The following INPP4B variants were observed in gnomAD, a reference collection of about 807,000 sequenced individuals.
The protein encoded by INPP4B is inositol polyphosphate-4-phosphatase type II B, also known as inositol polyphosphate 4-phosphatase type II.
Under a neutral mutation model 122.5 loss-of-function variants are expected in INPP4B, and 55 were observed. The observed-to-expected ratio is 0.45, with a 90% CI of 0.36 to 0.56. The LOEUF (loss-of-function observed/expected upper bound fraction) is 0.56, where lower values mean the gene tolerates loss of function less well. Among genes scored for constraint, INPP4B ranks in the 20% least tolerant of loss-of-function variants. The pLI is 0.00. For synonymous variants in INPP4B, 403 were observed against 388.7 expected, an observed-to-expected ratio of 1.04 and a Z score of -0.43; for missense variants, 1,000 against 1,097.7, an observed-to-expected ratio of 0.91 and a Z score of 1.26.
chr4:142,524,799 C>A (rs1288930326), intron 2 of INPP4B, among the ~76,000 whole-genome samples: 1 of 151,576 alleles, frequency 6.6e-6, no homozygotes, highest in Non-Finnish European at 1.5e-5. Flanking sequence ...TGGGCAAAAA[C>A]TGGAAGCATT....
At chr4:142,206,925 G>A (rs563477735) in intron 14 of INPP4B, among the ~76,000 whole-genome samples, 2 of 152,068 alleles carry the variant, frequency 1.3e-5, no homozygotes, top group Non-Finnish European at 2.9e-5. Flanking sequence ...GCATAACTGC[G>A]ACTGTGTACC....
At chr4:142,766,604 C>A in intron 1 of INPP4B, 1 of 152,300 alleles carries the variant, frequency 6.6e-6, no homozygotes, top group Non-Finnish European at 1.5e-5. Flanking sequence ...CCCCTGACCT[C>A]AAGTGATTCT....
Position 142,045,386 on chromosome 4 carries a change from G to A in INPP4B, c.2643-16472C>T, listed in dbSNP as rs542959904. Among the ~76,000 whole-genome samples the A allele has an allele frequency of 2.0e-5, 3 of 152,072 alleles. No homozygotes were observed. The South Asian group carries it at 6.2e-4, about 32-fold the overall frequency. On this transcript the variant is annotated intron_variant, in intron 25 of 25. Coordinates refer to ENST00000262992, the MANE Select transcript of INPP4B (RefSeq NM_001101669.3). ...TAATAACTAAAATTTTTAATTACCG[G>A]GAACTAGATTTTGTATCCAACATAC...
At chr4:142,812,673 G>A (rs1172516230) in intron 1 of INPP4B, among the ~76,000 whole-genome samples, 1 of 151,930 alleles carries the variant, frequency 6.6e-6, no homozygotes, top group Non-Finnish European at 1.5e-5. Flanking sequence ...CATTATTGAT[G>A]TCTTATTTAT....
chr4:142,092,480 C>T (rs753272650), intron 23 of INPP4B, among the ~76,000 whole-genome samples: 9 of 151,962 alleles, frequency 5.9e-5, no homozygotes, highest in Non-Finnish European at 1.2e-4. Flanking sequence ...TATAGAAATG[C>T]GGGTTTCGCC....
chr4:142,455,825 G>A (rs972167810), intron 3 of INPP4B, among the ~76,000 whole-genome samples: 16 of 152,002 alleles, frequency 1.1e-4, no homozygotes, highest in African/African-American at 3.6e-4. Flanking sequence ...GTTATTTCCT[G>A]TCTTTTGGAT....
chr4:142,457,671 C>A (rs569933688), intron 3 of INPP4B, among the ~76,000 whole-genome samples: 1 of 152,308 alleles, frequency 6.6e-6, no homozygotes, highest in African/African-American at 2.4e-5. Flanking sequence ...TGTTAACCAA[C>A]CTTCCAATGT....
intron 23 of INPP4B, among the ~76,000 whole-genome samples, chr4:142,088,048 T>C (rs1777659736): frequency 6.6e-6 from 1 of 152,202 alleles, no homozygotes; most frequent in Non-Finnish European, 1.5e-5. Context: ...ATCTTTACTA[T>C]ATAACTACAG....
At chr4:142,352,699 T>G (rs1401374946) in intron 7 of INPP4B, among the ~76,000 whole-genome samples, 1 of 151,928 alleles carries the variant, frequency 6.6e-6, no homozygotes, top group African/African-American at 2.4e-5. Flanking sequence ...TAATTACATT[T>G]TGTTAATTAA....
At chr4:142,230,488 A>C (rs908787901) in intron 12 of INPP4B, among the ~76,000 whole-genome samples, 8 of 152,048 alleles carry the variant, frequency 5.3e-5, no homozygotes, top group Non-Finnish European at 8.8e-5. Context: ...TCCACTAAAA[A>C]TACAAAATTA....
At chr4:142,735,622 A>T (rs1416781958) in intron 1 of INPP4B, among the ~76,000 whole-genome samples, 1 of 151,814 alleles carries the variant, frequency 6.6e-6, no homozygotes. Flanking sequence ...GCTGCCACAA[A>T]CCCCGATCCT....
chr4:142,161,122 A>C (rs1561332180), intron 16 of INPP4B, among the ~76,000 whole-genome samples: 1 of 151,946 alleles, frequency 6.6e-6, no homozygotes, highest in Non-Finnish European at 1.5e-5. Flanking sequence ...TCATGAAAAC[A>C]TCGGGCCTGT....
chr4:142,498,196 C>CAT (rs1424422011), intron 2 of INPP4B, among the ~76,000 whole-genome samples: 7 of 148,618 alleles, frequency 4.7e-5, no homozygotes, highest in African/African-American at 1.7e-4. Context: ...TATGTGTGTG[C>CAT]GTGTGTGTAT....
chr4:142,545,758 T>C (rs150833607), intron 2 of INPP4B, among the ~76,000 whole-genome samples: 3,180 of 86,574 alleles, frequency 0.037, 69 homozygotes, highest in Middle Eastern at 0.071. Context: ...TATATACACA[T>C]GTATATGTGT....
chr4:142,787,950 T>C (rs762135160), intron 1 of INPP4B, among the ~76,000 whole-genome samples: 13 of 150,180 alleles, frequency 8.7e-5, no homozygotes, highest in Non-Finnish European at 1.5e-4. Context: ...GGCAGAAATG[T>C]GATGAGCACA....
At position 142,306,096 on chromosome 4, in the gene INPP4B, C is replaced by T. The variant is rs183896615; in HGVS notation, c.424-559G>A. On this transcript the variant is annotated intron_variant, in intron 8 of 25. Coordinates refer to ENST00000262992, the MANE Select transcript of INPP4B (RefSeq NM_001101669.3). ...CATGGGACAATTTCATTCTAATACA[C>T]GAAAGAAAATGGCACTTATTAAGTT... Among the ~76,000 whole-genome samples, 78 of 152,134 alleles carry T rather than the reference C, an allele frequency of 5.1e-4. No homozygotes were observed. In the Middle Eastern group the frequency reaches 0.017, roughly 33 times the overall value.
intron 25 of INPP4B, among the ~76,000 whole-genome samples, chr4:142,068,229 C>T (rs1027837163): frequency 2.0e-5 from 3 of 152,166 alleles, no homozygotes; most frequent in African/African-American, 7.2e-5. Context: ...TCCAGCCAAA[C>T]TAAGCTTCAT....
intron 2 of INPP4B, among the ~76,000 whole-genome samples, chr4:142,529,934 G>A (rs1162522055): frequency 6.6e-6 from 1 of 152,034 alleles, no homozygotes; most frequent in Non-Finnish European, 1.5e-5. Flanking sequence ...ATTTGCAAAG[G>A]TTATAAAGCT....
At chr4:142,332,266 T>C (rs1026452623) in intron 7 of INPP4B, among the ~76,000 whole-genome samples, 2 of 152,168 alleles carry the variant, frequency 1.3e-5, no homozygotes, top group Admixed American at 6.5e-5. Context: ...TATGACACTA[T>C]AATGAGACCC....
Sources: allele counts gnomAD v4.1 joint callset (sites outside exome capture counted in the v4.1 genomes callset), GRCh38; gene constraint gnomAD v4.1.1; transcripts MANE v1.5; gene names NCBI Gene and HGNC (gene_info 2026-07-23, HGNC 2026-07-21).